The following CCSER1 variants were observed in gnomAD, a reference collection of about 807,000 sequenced individuals.
CCSER1 encodes serine-rich coiled-coil domain-containing protein 1.
In CCSER1, 41 loss-of-function variants were observed where a neutral mutation model predicts 82.0. The observed-to-expected ratio is 0.50, with a 90% confidence interval of 0.39 to 0.65. CCSER1 has a LOEUF of 0.65. Ranked by LOEUF, CCSER1 falls within the 30% of genes least tolerant of loss-of-function variation. CCSER1 has a pLI of 0.00. For synonymous variants in CCSER1, 414 were observed against 383.9 expected (o/e 1.08, Z -0.92); for missense variants, 1,119 against 1,064.2 (o/e 1.05, Z -0.72).
chr4:90,221,295 C>G (rs1742105632), intron 1 of CCSER1, among the ~76,000 whole-genome samples: 1 of 151,936 alleles, frequency 6.6e-6, no homozygotes, highest in Non-Finnish European at 1.5e-5. Flanking sequence ...TCTCTTGATG[C>G]TTAGAGTATA....
At chr4:90,438,912 A>G (rs1467491879) in intron 4 of CCSER1, among the ~76,000 whole-genome samples, 1 of 152,206 alleles carries the variant, frequency 6.6e-6, no homozygotes, top group Non-Finnish European at 1.5e-5. Context: ...ATTGATCTAT[A>G]TAAGCATATT....
At chr4:90,364,861 A>T (rs142880526) in intron 3 of CCSER1, among the ~76,000 whole-genome samples, 2 of 151,968 alleles carry the variant, frequency 1.3e-5, no homozygotes, top group African/African-American at 4.8e-5. Flanking sequence ...AATTTTGAAA[A>T]TATGAAACAA....
chr4:90,278,859 A>G lies in CCSER1; in HGVS notation c.-41-29385A>G, dbSNP rs569511530. On this transcript the variant is annotated intron_variant, in intron 1 of 10. Coordinates refer to ENST00000509176, the MANE Select transcript of CCSER1 (RefSeq NM_001145065.2). Reference sequence around the variant, plus strand: ...AGTTGAAAAAAATGGAGTTGATAAGATATAGGTCAAACAAGTGAAAGTTTG... The same window carrying G: ...AGTTGAAAAAAATGGAGTTGATAAGGTATAGGTCAAACAAGTGAAAGTTTG... 3.9e-5 allele frequency among the ~76,000 whole-genome samples: 6 copies of G among 152,184 alleles called. No individual in the cohort carries two copies. In the South Asian group the frequency reaches 1.2e-3, roughly 32 times the overall value.
rs547580626 is a variant in CCSER1, at chr4:90,308,129, G to A, written c.-41-115G>A. ...AGGTATCAGATTTTTGTTATTTATC[G>A]TCTTAGTATAAACTAAATTCTATTT... On this transcript the variant is annotated intron_variant, in intron 1 of 10. Transcript: ENST00000509176. 8.7e-5 allele frequency: 66 copies of A among 762,428 alleles called. 1 individual carries two copies. Among genetic ancestry groups the A allele is most frequent in the Middle Eastern group, 3.9e-4 (1 of 2,540 alleles). 47.2% of individuals were successfully genotyped at this position (762,428 alleles called of 1,614,324 possible).
chr4:90,217,199 T>A (rs1340351418), intron 1 of CCSER1, among the ~76,000 whole-genome samples: 1 of 152,110 alleles, frequency 6.6e-6, no homozygotes, highest in Non-Finnish European at 1.5e-5. Flanking sequence ...TAGACGTTTT[T>A]TTGTTTTTTA....
intron 10 of CCSER1, among the ~76,000 whole-genome samples, chr4:91,286,731 A>G (rs1005223401): frequency 4.6e-5 from 7 of 151,858 alleles, no homozygotes; most frequent in Middle Eastern, 3.2e-3. Context: ...CAAATTACAG[A>G]AGCATGTAAC....
intron 9 of CCSER1, among the ~76,000 whole-genome samples, chr4:91,035,781 T>C (rs923400160): frequency 6.6e-6 from 1 of 152,198 alleles, no homozygotes; most frequent in African/African-American, 2.4e-5. Context: ...CAATGTTTAA[T>C]TGTGGGTTTC....
At chr4:90,273,310 G>T (rs1215426241) in intron 1 of CCSER1, among the ~76,000 whole-genome samples, 1 of 151,976 alleles carries the variant, frequency 6.6e-6, no homozygotes, top group Non-Finnish European at 1.5e-5. Flanking sequence ...CAGGCTAACA[G>T]GGTCATTATA....
At chr4:90,544,238 G>A (rs6532233) in intron 5 of CCSER1, among the ~76,000 whole-genome samples, 65,989 of 151,844 alleles carry the variant, frequency 0.43, 16,976 homozygotes, top group African/African-American at 0.73. Flanking sequence ...ACAGTCCAGA[G>A]GATCATCCTC....
At chr4:91,575,586 C>A (rs1763413364) in intron 10 of CCSER1, among the ~76,000 whole-genome samples, 1 of 151,700 alleles carries the variant, frequency 6.6e-6, no homozygotes, top group South Asian at 2.1e-4. Flanking sequence ...AGTGATCTAC[C>A]AAATATCTAT....
rs186113556 is a variant in CCSER1, at chr4:90,696,597, C to T, written c.1933-27317C>T. ...AAGCACATAAACTTGTTCTGAAGTT[C>T]GCTTACCATCATAGCATATAGACAC... On this transcript the variant is annotated intron_variant, in intron 6 of 10. Coordinates refer to ENST00000509176, the MANE Select transcript of CCSER1 (RefSeq NM_001145065.2). Among the ~76,000 whole-genome samples the T allele has an allele frequency of 6.6e-4, 100 of 152,184 alleles. 1 individual carries two copies. Among genetic ancestry groups the T allele is most frequent in the Non-Finnish European group, 1.3e-3 (85 of 67,990 alleles).
At chr4:90,450,845 G>A (rs888880903) in intron 4 of CCSER1, among the ~76,000 whole-genome samples, 2 of 152,194 alleles carry the variant, frequency 1.3e-5, no homozygotes, top group Non-Finnish European at 2.9e-5. Flanking sequence ...TGCAGTTTGT[G>A]TTGCAAATGG....
intron 10 of CCSER1, among the ~76,000 whole-genome samples, chr4:91,433,313 C>G (rs568934361): frequency 6.3e-4 from 96 of 152,158 alleles, no homozygotes; most frequent in Non-Finnish European, 1.2e-3. Context: ...ACACTGTGGC[C>G]ATCATAACGT....
At chr4:90,617,135 T>G (rs1004999206) in intron 5 of CCSER1, among the ~76,000 whole-genome samples, 2 of 152,224 alleles carry the variant, frequency 1.3e-5, no homozygotes, top group Non-Finnish European at 2.9e-5. Context: ...TTCAGACATA[T>G]GTTTCATATG....
intron 9 of CCSER1, among the ~76,000 whole-genome samples, chr4:90,970,652 C>A (rs1159507035): frequency 1.3e-5 from 2 of 151,888 alleles, no homozygotes; most frequent in African/African-American, 2.4e-5. Flanking sequence ...TTCTCAAGCA[C>A]ACCTATGACA....
rs139589378 is a variant in CCSER1, at chr4:91,175,324, T to C, written c.2217+89330T>C. Reference sequence around the variant, plus strand: ...TTATAGCAGCATGATTTATAATCCTTTGGGTGTATATCCAGTAATGGGATC... The same window carrying C: ...TTATAGCAGCATGATTTATAATCCTCTGGGTGTATATCCAGTAATGGGATC... On this transcript the variant is annotated intron_variant, in intron 10 of 10. Transcript: ENST00000509176. 4.9e-3 allele frequency among the ~76,000 whole-genome samples: 740 copies of C among 152,196 alleles called. 6 individuals are homozygous for C. Among genetic ancestry groups the C allele is most frequent in the African/African-American group, 0.017 (697 of 41,560 alleles).
chr4:91,105,972 G>A (rs538903359), intron 10 of CCSER1, among the ~76,000 whole-genome samples: 1 of 151,820 alleles, frequency 6.6e-6, no homozygotes, highest in African/African-American at 2.4e-5. Context: ...ACCTTACTGG[G>A]GATATTTTTA....
At chr4:91,424,535 A>T (rs1317542308) in intron 10 of CCSER1, among the ~76,000 whole-genome samples, 1 of 152,102 alleles carries the variant, frequency 6.6e-6, no homozygotes, top group Non-Finnish European at 1.5e-5. Flanking sequence ...CCACATTTCT[A>T]GCTATATGCA....
At chr4:91,557,137 A>G (rs533882324) in intron 10 of CCSER1, among the ~76,000 whole-genome samples, 29 of 148,252 alleles carry the variant, frequency 2.0e-4, no homozygotes, top group African/African-American at 7.3e-4. Context: ...GAATGTATGG[A>G]GTGTACAACT....
Sources: gnomAD v4.1 joint callset for allele counts (sites outside exome capture counted in the v4.1 genomes callset) on GRCh38, gnomAD v4.1.1 for gene constraint, MANE v1.5 for transcripts, NCBI Gene and HGNC (gene_info 2026-07-23, HGNC 2026-07-21) for gene names.